Variants in C1orf87 observed in about 807,000 individuals in gnomAD.
C1orf87 encodes the protein uncharacterized protein C1orf87.
In C1orf87, 58 loss-of-function variants were observed where a neutral mutation model predicts 60.5. The ratio of observed to expected loss-of-function variants is 0.96; its 90% CI spans 0.78 to 1.19. The LOEUF (loss-of-function observed/expected upper bound fraction) is 1.19, where lower values mean the gene tolerates loss of function less well. C1orf87 is among the 50% of genes most tolerant of loss of function. The probability of loss-of-function intolerance (pLI) is 0.00; values close to 1 mark genes in which losing one functional copy is unlikely to be tolerated. For synonymous variants in C1orf87, 236 were observed against 227.4 expected, an observed-to-expected ratio of 1.04 and a Z score of -0.34; for missense variants, 673 against 638.6, an observed-to-expected ratio of 1.05 and a Z score of -0.58.
intron 7 of C1orf87, among the ~76,000 whole-genome samples, chr1:60,031,517 T>C (rs1574310734): frequency 1.3e-5 from 2 of 152,192 alleles, no homozygotes; most frequent in Non-Finnish European, 2.9e-5. Flanking sequence ...GTGGGAAGAT[T>C]CTCCTTTCTT....
At chr1:60,060,977 G>A (rs577793083) in intron 2 of C1orf87, among the ~76,000 whole-genome samples, 1 of 152,258 alleles carries the variant, frequency 6.6e-6, no homozygotes, top group African/African-American at 2.4e-5. Context: ...CAAAATGACT[G>A]TGCAACTGCC....
Position 60,006,894 on chromosome 1 carries a change from C to T in C1orf87, c.1192+3498G>A, listed in dbSNP as rs550216298. 9.2e-5 allele frequency among the ~76,000 whole-genome samples: 14 copies of T among 151,634 alleles called. 1 individual carries two copies. The highest frequency in any genetic ancestry group is 3.3e-4 in the Admixed American group (5 of 15,190). On this transcript the variant is annotated intron_variant, in intron 9 of 11. Transcript: ENST00000371201. Reference sequence around the variant, plus strand: ...GTTACATGTACGTTAGATGTTGTCACCATTTCCTATGTGTCTCTTGCATAC... The same window carrying T: ...GTTACATGTACGTTAGATGTTGTCATCATTTCCTATGTGTCTCTTGCATAC...
At chr1:60,046,607 T>G (rs1166934938) in intron 3 of C1orf87, among the ~76,000 whole-genome samples, 1 of 151,936 alleles carries the variant, frequency 6.6e-6, no homozygotes, top group South Asian at 2.1e-4. Context: ...CCCAGCTAAC[T>G]TTTTGTTTTT....
intron 3 of C1orf87, 93 bp from the exon 4 acceptor site, chr1:60,041,224 A>T: frequency 2.6e-6 from 3 of 1,148,204 alleles, no homozygotes; most frequent in Non-Finnish European, 3.5e-6. Context: ...AAACCAACCA[A>T]TTTATTTAAG....
At chr1:60,018,248 C>T (rs995936727) in intron 8 of C1orf87, among the ~76,000 whole-genome samples, 1 of 152,196 alleles carries the variant, frequency 6.6e-6, no homozygotes, top group Non-Finnish European at 1.5e-5. Flanking sequence ...TTTAATTCAA[C>T]AAAAGAAGCT....
At chr1:60,003,284 A>G (rs1166969912) in intron 9 of C1orf87, among the ~76,000 whole-genome samples, 1 of 132,056 alleles carries the variant, frequency 7.6e-6, no homozygotes, top group Non-Finnish European at 1.6e-5. Flanking sequence ...GATCACATGG[A>G]CACAGGAAGG....
At chr1:60,007,144 T>C (rs1429811081) in intron 9 of C1orf87, among the ~76,000 whole-genome samples, 1 of 152,074 alleles carries the variant, frequency 6.6e-6, no homozygotes, top group Non-Finnish European at 1.5e-5. Flanking sequence ...ACTCCAGGGC[T>C]CAAGTGATCC....
intron 7 of C1orf87, among the ~76,000 whole-genome samples, chr1:60,026,061 GTT>G (rs1416056499): frequency 6.6e-6 from 1 of 152,140 alleles, no homozygotes; most frequent in Non-Finnish European, 1.5e-5. Flanking sequence ...TGTCATTGAA[GTT>G]TCCCAAGTTC....
intron 8 of C1orf87, 60 bp from the exon 9 acceptor site, chr1:60,010,516 A>G: frequency 7.0e-7 from 1 of 1,425,356 alleles, no homozygotes; most frequent in Admixed American, 1.7e-5. Context: ...AAGAATGTCC[A>G]GTGAAGCTCT....
intron 8 of C1orf87, among the ~76,000 whole-genome samples, chr1:60,022,335 A>C (rs1390167144): frequency 6.6e-6 from 1 of 152,016 alleles, no homozygotes; most frequent in Admixed American, 6.5e-5. Flanking sequence ...GTAACAATAG[A>C]GGGGGTGACA....
At chr1:60,057,495 A>C (rs771661949) in intron 2 of C1orf87, among the ~76,000 whole-genome samples, 1 of 152,188 alleles carries the variant, frequency 6.6e-6, no homozygotes, top group Admixed American at 6.5e-5. Context: ...AGCCTGTTGA[A>C]ATGCCAATGG....
intron 8 of C1orf87, among the ~76,000 whole-genome samples, chr1:60,014,761 T>C (rs1381332592): frequency 1.3e-5 from 2 of 152,194 alleles, no homozygotes; most frequent in Non-Finnish European, 2.9e-5. Context: ...ATGTACAGTA[T>C]GTAGTTCTCC....
chr1:59,996,128 G>A (rs558613953), intron 11 of C1orf87, among the ~76,000 whole-genome samples: 60 of 151,828 alleles, frequency 4.0e-4, no homozygotes, highest in Non-Finnish European at 7.7e-4. Flanking sequence ...ATACTTCCTC[G>A]TGGTCTAGAA....
intron 7 of C1orf87, among the ~76,000 whole-genome samples, chr1:60,030,435 C>A (rs1645229874): frequency 6.6e-6 from 1 of 152,158 alleles, no homozygotes; most frequent in Non-Finnish European, 1.5e-5. Context: ...AGTCTTGCCA[C>A]AAGAATGAAC....
chr1:60,035,946 A>G (rs2100290405), intron 6 of C1orf87, among the ~76,000 whole-genome samples: 1 of 152,340 alleles, frequency 6.6e-6, no homozygotes, highest in East Asian at 1.9e-4. Context: ...AGGTATCAGC[A>G]AAGGCTTTCT....
chr1:60,044,653 C>T (rs1645352975), intron 3 of C1orf87, among the ~76,000 whole-genome samples: 1 of 152,092 alleles, frequency 6.6e-6, no homozygotes, highest in African/African-American at 2.4e-5. Flanking sequence ...CTTCAGATTT[C>T]TCCCTTGCTG....
chr1:60,022,361 G>T (rs949535035), intron 8 of C1orf87, among the ~76,000 whole-genome samples: 1 of 151,902 alleles, frequency 6.6e-6, no homozygotes, highest in Non-Finnish European at 1.5e-5. Flanking sequence ...CCAGATTCTG[G>T]ATATGAGTTG....
At chr1:60,030,135 T>G (rs1482607923) in intron 7 of C1orf87, among the ~76,000 whole-genome samples, 2 of 152,094 alleles carry the variant, frequency 1.3e-5, no homozygotes, top group African/African-American at 4.8e-5. Context: ...CCTGGAGAAC[T>G]CAGGAGCCCA....
intron 2 of C1orf87, among the ~76,000 whole-genome samples, chr1:60,069,157 G>A (rs969524923): frequency 6.6e-6 from 1 of 152,126 alleles, no homozygotes; most frequent in Non-Finnish European, 1.5e-5. Flanking sequence ...GAGCCCCCAG[G>A]TGGGGCAGGC....
Sources: allele counts gnomAD v4.1 joint callset (sites outside exome capture counted in the v4.1 genomes callset), GRCh38; gene constraint gnomAD v4.1.1; transcripts MANE v1.5; gene names NCBI Gene and HGNC (gene_info 2026-07-23, HGNC 2026-07-21).